Variants in RALYL observed in about 807,000 individuals in gnomAD.
RALYL encodes RNA-binding Raly-like protein.
A neutral mutation model predicts 35.1 loss-of-function variants in RALYL; 29 were observed. That is an observed-to-expected ratio of 0.83 (90% CI 0.61 to 1.13). The LOEUF (loss-of-function observed/expected upper bound fraction) is 1.13. RALYL is among the 50% of genes most tolerant of loss of function. RALYL has a pLI of 0.00. For missense variants in RALYL, 359 were observed against 360.4 expected (o/e 1.00, Z 0.03); for synonymous variants, 120 against 127.6 (o/e 0.94, Z 0.40).
intron 1 of RALYL, among the ~76,000 whole-genome samples, chr8:84,313,350 C>T (rs1359403057): frequency 1.3e-5 from 2 of 152,198 alleles, no homozygotes; most frequent in South Asian, 2.1e-4. Context: ...TTAAATTTGG[C>T]TCCTCATTAC....
At chr8:84,802,608 G>C (rs1422268104) in intron 3 of RALYL, among the ~76,000 whole-genome samples, 1 of 150,864 alleles carries the variant, frequency 6.6e-6, no homozygotes, top group Non-Finnish European at 1.5e-5. Flanking sequence ...AAAAAAAAGA[G>C]AGAGAGAGAG....
chr8:84,278,974 T>A (rs1835976637), intron 1 of RALYL, among the ~76,000 whole-genome samples: 1 of 152,186 alleles, frequency 6.6e-6, no homozygotes, highest in African/African-American at 2.4e-5. Context: ...ACCAATTTAC[T>A]GTATTAGTCT....
chr8:84,879,849 G>C (rs1304578511), intron 7 of RALYL, among the ~76,000 whole-genome samples: 1 of 151,884 alleles, frequency 6.6e-6, no homozygotes, highest in Non-Finnish European at 1.5e-5. Flanking sequence ...TGCTTCCTCA[G>C]TTAACTGTAA....
chr8:84,828,675 A>G (rs1563693136), intron 4 of RALYL: 1 of 188,376 alleles, frequency 5.3e-6, no homozygotes, highest in Non-Finnish European at 1.2e-5. Flanking sequence ...GAGTAATCTT[A>G]TAACAGTTCA....
intron 8 of RALYL, among the ~76,000 whole-genome samples, chr8:84,908,825 C>T (rs1459646581): frequency 6.6e-6 from 1 of 151,658 alleles, no homozygotes; most frequent in Non-Finnish European, 1.5e-5. Flanking sequence ...AAGTTGATGT[C>T]ACTGAATGAT....
chr8:84,349,441 A>C (rs920442676), intron 1 of RALYL, among the ~76,000 whole-genome samples: 1 of 150,306 alleles, frequency 6.7e-6, no homozygotes, highest in Non-Finnish European at 1.5e-5. Flanking sequence ...ATCCAAACAC[A>C]CATCAGTCTT....
chr8:84,815,416 ATATT>A lies in RALYL; in HGVS notation c.365+10619_365+10622del, dbSNP rs759847298. On this transcript the variant is annotated intron_variant, in intron 4 of 8. Transcript: ENST00000521268. ...AAGTATTTATATATTTACTATTTATATATTTATTAAATATATTTAAATTTATTAT... is the reference window on the plus strand; with the variant it reads ...AAGTATTTATATATTTACTATTTATATATTAAATATATTTAAATTTATTAT... Among the ~76,000 whole-genome samples the A allele has an allele frequency of 1.1e-3, 164 of 147,954 alleles. 2 individuals are homozygous for A. Among genetic ancestry groups the A allele is most frequent in the Admixed American group, 3.4e-3 (50 of 14,810 alleles).
chr8:84,671,349 C>T (rs1314197064), intron 2 of RALYL, among the ~76,000 whole-genome samples: 6 of 152,134 alleles, frequency 3.9e-5, no homozygotes, highest in African/African-American at 1.4e-4. Context: ...ATCTACCATT[C>T]TGGGGTCTGG....
chr8:84,709,625 C>A (rs1841825719), intron 2 of RALYL, among the ~76,000 whole-genome samples: 1 of 150,232 alleles, frequency 6.7e-6, no homozygotes, highest in African/African-American at 2.5e-5. Context: ...AAAAAAAAAA[C>A]TTCATACTCC....
Position 84,658,221 on chromosome 8 carries a change from A to G in RALYL, c.257-116358A>G, listed in dbSNP as rs140544097. 4.9e-4 allele frequency among the ~76,000 whole-genome samples: 75 copies of G among 152,236 alleles called. 1 individual carries two copies. In the East Asian group the frequency reaches 0.011, roughly 23 times the overall value. On this transcript the variant is annotated intron_variant, in intron 2 of 8. Transcript: ENST00000521268. ...CTTATAAATATTCATGACTCTTCCT[A>G]TAGTTTATTGAATATGTGTATTTGG...
At chr8:84,913,373 G>C (rs1011297898) in intron 8 of RALYL, among the ~76,000 whole-genome samples, 15 of 151,852 alleles carry the variant, frequency 9.9e-5, no homozygotes, top group African/African-American at 3.1e-4. Flanking sequence ...GAACAGATTT[G>C]TTCACAAAAA....
chr8:84,683,963 A>G (rs1836215760), intron 2 of RALYL, among the ~76,000 whole-genome samples: 1 of 152,048 alleles, frequency 6.6e-6, no homozygotes, highest in Non-Finnish European at 1.5e-5. Context: ...CAGCCTCCCA[A>G]AGTGGTGGGA....
intron 1 of RALYL, among the ~76,000 whole-genome samples, chr8:84,400,851 G>A (rs1275985516): frequency 6.6e-6 from 1 of 152,116 alleles, no homozygotes; most frequent in Non-Finnish European, 1.5e-5. Context: ...AAGATAAGTA[G>A]GAAAAGTGTT....
chr8:84,213,874 A>G (rs1028886011), intron 1 of RALYL, among the ~76,000 whole-genome samples: 3 of 152,182 alleles, frequency 2.0e-5, no homozygotes, highest in Admixed American at 6.5e-5. Context: ...AATTCCCTCA[A>G]TGTGCCTTAT....
In RALYL at chr8:84,848,107, G is replaced by A. The variant is rs1051498551; in HGVS notation, c.366-1873G>A. ...CCATTATATAGTAGTTTCTCAAAAC[G>A]TTAAACATAGAATTACCATATGACC... On this transcript the variant is annotated intron_variant, in intron 4 of 8. Transcript: ENST00000521268. Among the ~76,000 whole-genome samples the A allele has an allele frequency of 3.3e-5, 5 of 151,994 alleles. No homozygotes were observed. The East Asian group carries it at 5.8e-4, about 18-fold the overall frequency.
chr8:84,258,149 A>G (rs1392366452), intron 1 of RALYL, among the ~76,000 whole-genome samples: 9 of 152,242 alleles, frequency 5.9e-5, no homozygotes, highest in East Asian at 5.8e-4. Context: ...CAGGTGTTCA[A>G]TAAGGTGGAG....
At chr8:84,781,433 G>T (rs1818146654) in intron 3 of RALYL, among the ~76,000 whole-genome samples, 1 of 152,128 alleles carries the variant, frequency 6.6e-6, no homozygotes, top group African/African-American at 2.4e-5. Flanking sequence ...TGGCCTATTT[G>T]CAGTTTTCTG....
chr8:84,836,393 G>A (rs1832032552), intron 4 of RALYL, among the ~76,000 whole-genome samples: 2 of 152,196 alleles, frequency 1.3e-5, no homozygotes, highest in Admixed American at 6.5e-5. Flanking sequence ...TGATTCACCA[G>A]TAGCGAGGAA....
chr8:84,532,435 C>T (rs967498537), intron 2 of RALYL, among the ~76,000 whole-genome samples: 2 of 152,024 alleles, frequency 1.3e-5, no homozygotes, highest in African/African-American at 2.4e-5. Context: ...TCACTTGCTT[C>T]TTGAGTTTTT....
Sources: gnomAD v4.1 joint callset for allele counts (sites outside exome capture counted in the v4.1 genomes callset) on GRCh38, gnomAD v4.1.1 for gene constraint, MANE v1.5 for transcripts, NCBI Gene and HGNC (gene_info 2026-07-23, HGNC 2026-07-21) for gene names.